FLNC: variants seen among roughly 807,000 people sequenced by gnomAD.
FLNC encodes the protein filamin-C.
Under a neutral mutation model 254.3 loss-of-function variants are expected in FLNC, and 91 were observed. The observed-to-expected ratio is 0.36, with a 90% CI of 0.30 to 0.43. The LOEUF is 0.43. FLNC is among the 20% of genes least tolerant of loss of function. The pLI is 1.00. For synonymous variants in FLNC, 1,430 were observed against 1,577.2 expected, an observed-to-expected ratio of 0.91 and a Z score of 2.21; for missense variants, 2,853 against 3,802.6, an observed-to-expected ratio of 0.75 and a Z score of 6.57.
At position 128,830,713 on chromosome 7, in the gene FLNC, A is replaced by G. The variant is rs1562988843; in HGVS notation, c.76A>G (p.Lys26Glu). ...GACAGACGAGATGCCGTCCACGGAGAAGGACCTGGCGGAGGACGCGCCGTG... is the reference window on the plus strand; with the variant it reads ...GACAGACGAGATGCCGTCCACGGAGGAGGACCTGGCGGAGGACGCGCCGTG... Reference protein sequence around the residue: ...DETDEMPSTEKDLAEDAPWKK... With the variant: ...DETDEMPSTEEDLAEDAPWKK... The change falls in exon 1 of 48, where the codon AAG becomes GAG. Residue 26 changes from lysine to glutamate, a missense_variant. This residue lies in a region of FLNC where 13 missense variants were observed against 37.8 expected (regional missense o/e 0.34). Coordinates refer to ENST00000325888, the MANE Select transcript of FLNC (RefSeq NM_001458.5). 1 of 1,613,040 alleles carries G rather than the reference A, an allele frequency of 6.2e-7. No individual in the cohort carries two copies. Among genetic ancestry groups the G allele is most frequent in the Non-Finnish European group, 8.5e-7 (1 of 1,179,982 alleles).
rs1434865362 is a variant in FLNC at position 128,854,545 on chromosome 7, C to A, written c.6860C>A (p.Thr2287Lys). ...GTGCCCCAGGAAATGGGGCCCCATACGGTCGCTGTCAAGTACCGTGGCCAG... is the reference window on the plus strand; with the variant it reads ...GTGCCCCAGGAAATGGGGCCCCATAAGGTCGCTGTCAAGTACCGTGGCCAG... Reference protein sequence around the residue: ...RFVPQEMGPHTVAVKYRGQHV... With the variant: ...RFVPQEMGPHKVAVKYRGQHV... Residue 2287 changes from threonine (T) to lysine (K), a missense_variant, in exon 41 of 48, where the codon ACG becomes AAG. Around this residue, in one of 10 missense-constraint regions of FLNC, gnomAD observed 551 missense variants for 835.0 expected, o/e 0.66. Transcript: ENST00000325888. 1.2e-6 allele frequency: 2 copies of A among 1,607,402 alleles called. No homozygotes were observed. Among genetic ancestry groups the A allele is most frequent in the Non-Finnish European group, 1.7e-6 (2 of 1,177,514 alleles).
rs747314181 is a variant in FLNC at position 128,843,392 on chromosome 7, C to T, written c.2642-16C>T. ...TGGCTGCCAGGCCCTCACCACATCT[C>T]TGGGTGGGTCCTCAGGTGTGGAAGT... On this transcript the variant is annotated splice_polypyrimidine_tract_variant and intron_variant, in intron 17 of 47. Transcript: ENST00000325888. 1.9e-6 allele frequency: 3 copies of T among 1,613,988 alleles called. No individual in the cohort carries two copies. Among genetic ancestry groups the T allele is most frequent in the Non-Finnish European group, 2.5e-6 (3 of 1,179,972 alleles).
rs764636531 is a variant in FLNC, at chr7:128,840,690, C to T, written c.1676+16C>T. 1.9e-6 allele frequency: 3 copies of T among 1,612,598 alleles called. No homozygotes were observed. The highest frequency in any genetic ancestry group is 1.1e-5 in the South Asian group (1 of 91,038). On this transcript the variant is annotated intron_variant, in intron 10 of 47. Coordinates refer to ENST00000325888, the MANE Select transcript of FLNC (RefSeq NM_001458.5). The stretch of plus-strand genomic sequence containing the variant: ...TCCCTCGCAGGTGAGTACCTTGCGC[C>T]CCCCATGCTGTCCTGTCTAGGCCAT...
At position 128,856,638 on chromosome 7, in the gene FLNC, G is replaced by A. The variant is rs2128940160; in HGVS notation, c.7372G>A (p.Glu2458Lys). 3 of 1,612,934 alleles carry A rather than the reference G, an allele frequency of 1.9e-6. No homozygotes were observed. Among genetic ancestry groups the A allele is most frequent in the Non-Finnish European group, 2.5e-6 (3 of 1,180,020 alleles). Reference protein sequence around the residue: ...SGAVEECYVSELDSDKHTIRF... With the variant: ...SGAVEECYVSKLDSDKHTIRF... The stretch of plus-strand genomic sequence containing the variant: ...GGCTGTGGAGGAGTGCTACGTCTCT[G>A]AGCTGGACAGTGGTGAGCTGGCCCT... The change falls in exon 44 of 48, where the codon GAG becomes AAG. Residue 2458 changes from glutamate (E) to lysine (K), a missense_variant. Around this residue, in one of 10 missense-constraint regions of FLNC, gnomAD observed 47 missense variants for 40.3 expected, o/e 1.17. Transcript: ENST00000325888. The surrounding 1 kb of genome is among the most constrained non-coding windows in gnomAD (Gnocchi z 5.9).
chr7:128,832,318 G>C (rs940724920), intron 1 of FLNC, among the ~76,000 whole-genome samples: 3 of 152,154 alleles, frequency 2.0e-5, no homozygotes, highest in Non-Finnish European at 4.4e-5. Flanking sequence ...CTGAGGGCAG[G>C]GGGTGGGGGA....
Position 128,844,953 on chromosome 7 carries a change from C to T in FLNC, c.3488C>T (p.Pro1163Leu), listed in dbSNP as rs377489161. The T allele has an allele frequency of 3.3e-5, 53 of 1,613,750 alleles. No individual in the cohort carries two copies. The highest frequency in any genetic ancestry group is 4.1e-5 in the Non-Finnish European group (48 of 1,180,046). The part of the protein sequence containing the change: ...FDPSKVRASG[P>L]GLERGKVGEA... ...CCGAGCAAGGTGCGGGCCAGTGGACCGGGCCTGGAGCGCGGCAAGGTCGGT... is the reference window on the plus strand; with the variant it reads ...CCGAGCAAGGTGCGGGCCAGTGGACTGGGCCTGGAGCGCGGCAAGGTCGGT... Residue 1163 changes from proline (P) to leucine (L), a missense_variant, in exon 21 of 48, where the codon CCG (proline) becomes CTG (leucine). Physicochemically the swap from Pro to Leu is moderately conservative, Grantham distance 98. Coordinates refer to ENST00000325888, the MANE Select transcript of FLNC (RefSeq NM_001458.5).
At chr7:128,849,911 C>T in intron 30 of FLNC, 65 bp from the exon 31 acceptor site, 1 of 1,171,582 alleles carries the variant, frequency 8.5e-7, no homozygotes, top group Non-Finnish European at 1.2e-6. Flanking sequence ...CTGGGCCATT[C>T]TCTGAGTCAG....
chr7:128,849,233 T>A (rs2737392), intron 29 of FLNC, 29 bp downstream of exon 29: 1 of 1,614,146 alleles, frequency 6.2e-7, no homozygotes, highest in South Asian at 1.1e-5. Flanking sequence ...CTCTTCTTGG[T>A]GTGGGCCAGG....
Position 128,852,593 on chromosome 7 carries a change from G to C in FLNC, c.5845G>C (p.Asp1949His). ...TGATGCCCCAACTCCCCCACCAGGT[G>C]ATGACTCCATGAGGACCTCACAGCT... ...GSPFTAKITGDDSMRTSQLNV... is the reference protein window; with the variant it reads ...GSPFTAKITGHDSMRTSQLNV... The change falls in exon 36 of 48, where the codon GAT (aspartate) becomes CAT (histidine). Residue 1949 changes from aspartate to histidine, a missense_variant and splice_region_variant. This residue lies in a region of FLNC where 551 missense variants were observed against 835.0 expected (regional missense o/e 0.66). Coordinates refer to ENST00000325888, the MANE Select transcript of FLNC (RefSeq NM_001458.5). 1.2e-6 allele frequency: 2 copies of C among 1,613,270 alleles called. No individual in the cohort carries two copies. Among genetic ancestry groups the C allele is most frequent in the South Asian group, 2.2e-5 (2 of 91,076 alleles).
At chr7:128,849,034 C>T (rs1247881579) in intron 28 of FLNC, 52 bp downstream of exon 28, 1 of 1,599,320 alleles carries the variant, frequency 6.3e-7, no homozygotes, top group Admixed American at 1.7e-5. Context: ...CCCCTCAAAG[C>T]CCCTCCAGAA....
intron 1 of FLNC, among the ~76,000 whole-genome samples, chr7:128,832,535 G>C (rs953450449): frequency 4.6e-5 from 7 of 152,206 alleles, no homozygotes; most frequent in Admixed American, 1.3e-4. Context: ...CAGTCTGCGG[G>C]GGCTCTCGGC....
intron 2 of FLNC, 45 bp from the exon 3 acceptor site, chr7:128,837,115 C>T (rs780610396): frequency 4.6e-5 from 62 of 1,344,894 alleles, no homozygotes; most frequent in Middle Eastern, 1.8e-4. Context: ...GCATCCTGGC[C>T]GGCTGGCTGC....
chr7:128,851,952 G>A lies in FLNC; in HGVS notation c.5842+324G>A, dbSNP rs113183190. Among the ~76,000 whole-genome samples, 1,043 of 152,210 alleles carry A rather than the reference G, an allele frequency of 6.9e-3. 8 individuals are homozygous for A. The highest frequency in any genetic ancestry group is 0.024 in the African/African-American group (989 of 41,530). On this transcript the variant is annotated intron_variant, in intron 35 of 47. Coordinates refer to ENST00000325888, the MANE Select transcript of FLNC (RefSeq NM_001458.5). Reference sequence around the variant, plus strand: ...ACGATCTCGGCTCACTGCAACCTCCGCCTCCCGGGTTCATGCCATTCTTCT... The same window carrying A: ...ACGATCTCGGCTCACTGCAACCTCCACCTCCCGGGTTCATGCCATTCTTCT...
At position 128,842,977 on chromosome 7, in the gene FLNC, A is replaced by C. The variant is rs1298902265; in HGVS notation, c.2550+23A>C. 6.2e-7 allele frequency: 1 copy of C among 1,612,974 alleles called. No individual in the cohort carries two copies. The highest frequency in any genetic ancestry group is 8.5e-7 in the Non-Finnish European group (1 of 1,179,630). On this transcript the variant is annotated intron_variant, in intron 16 of 47. Transcript: ENST00000325888. This position sits in a 1 kb window ranked among gnomAD's most constrained non-coding sequence, Gnocchi z 5.4. ...CAGGTACCTAAGCTCCTGGGTACTC[A>C]CAGCGACATGCACCTGCCAGCTCCA...
At chr7:128,854,360 G>T in intron 40 of FLNC, 53 bp from the exon 41 acceptor site, 1 of 1,595,630 alleles carries the variant, frequency 6.3e-7, no homozygotes, top group Non-Finnish European at 8.5e-7. Flanking sequence ...GGAGGGAAGG[G>T]CCAGGGCTAG....
chr7:128,858,011 C>G lies in FLNC; in HGVS notation c.7784C>G (p.Pro2595Arg). ...GCCCCCTCCACCCACCCCTCAGGTC[C>G]GAGGCTGTCCGGAGGCCACAGCCTT... ...GSPFKAKVTG[P>R]RLSGGHSLHE... is the part of the protein sequence containing the mutation. The change falls in exon 47 of 48, where the codon CCG becomes CGG. Residue 2595 changes from proline to arginine, a missense_variant. Physicochemically the swap from Pro to Arg is moderately radical, Grantham distance 103. Transcript: ENST00000325888. The surrounding 1 kb of genome is among the most constrained non-coding windows in gnomAD (Gnocchi z 6.7). 6.6e-7 allele frequency: 1 copy of G among 1,522,218 alleles called. No individual in the cohort carries two copies. Among genetic ancestry groups the G allele is most frequent in the South Asian group, 1.2e-5 (1 of 85,256 alleles). The allele number at this position is 1,522,218 out of a possible 1,614,324, so 94.3% of individuals were successfully genotyped here.
At chr7:128,853,106 C>T (rs1808893810) in intron 37 of FLNC, 75 bp downstream of exon 37, 8 of 1,401,216 alleles carry the variant, frequency 5.7e-6, no homozygotes, top group African/African-American at 1.4e-5. Flanking sequence ...TGCCCAGCAC[C>T]CCCTTGGCCG....
rs1044714175 is a variant in FLNC, at chr7:128,852,578, A to G, written c.5843-13A>G. The G allele has an allele frequency of 3.1e-6, 5 of 1,611,892 alleles. No homozygotes were observed. The highest frequency in any genetic ancestry group is 1.7e-5 in the Admixed American group (1 of 59,878). On this transcript the variant is annotated splice_polypyrimidine_tract_variant and intron_variant, in intron 35 of 47. Coordinates refer to ENST00000325888, the MANE Select transcript of FLNC (RefSeq NM_001458.5). ...GGAGTCATAGCAGCCTGATGCCCCA[A>G]CTCCCCCACCAGGTGATGACTCCAT...
chr7:128,849,839 C>A, intron 30 of FLNC, 137 bp from the exon 31 acceptor site: 2 of 783,248 alleles, frequency 2.6e-6, no homozygotes, highest in Non-Finnish European at 4.3e-6. Flanking sequence ...CCAGCTCCAT[C>A]TCCCCAGAGG....
Sources: gnomAD v4.1 joint callset for allele counts (sites outside exome capture counted in the v4.1 genomes callset) on GRCh38, gnomAD v4.1.1 for gene constraint, gnomAD v4.1.1 regional missense constraint, Gnocchi (gnomAD v3.1) non-coding constraint, MANE v1.5 for transcripts, NCBI Gene and HGNC (gene_info 2026-07-23, HGNC 2026-07-21) for gene names.